PRSS23: variants seen among roughly 807,000 people sequenced by gnomAD.
PRSS23 encodes the protein serine protease 23.
In PRSS23, 25 loss-of-function variants were observed where a neutral mutation model predicts 34.7. That is an observed-to-expected ratio of 0.72 (90% CI 0.53 to 1.01). PRSS23 has a LOEUF of 1.01. PRSS23 is among the 50% of genes least tolerant of loss of function. PRSS23 has a pLI of 0.00. For synonymous variants in PRSS23, 176 were observed against 186.6 expected (o/e 0.94, Z 0.46); for missense variants, 445 against 475.6 (o/e 0.94, Z 0.60).
intron 2 of PRSS23, among the ~76,000 whole-genome samples, chr11:86,838,249 C>T (rs1948421853): frequency 6.6e-6 from 1 of 152,156 alleles, no homozygotes; most frequent in African/African-American, 2.4e-5. Flanking sequence ...AGAAACGGTA[C>T]ACTCTTGACC....
chr11:86,801,504 G>C (rs1458212763), intron 1 of PRSS23, among the ~76,000 whole-genome samples: 1 of 152,176 alleles, frequency 6.6e-6, no homozygotes, highest in Non-Finnish European at 1.5e-5. Flanking sequence ...TTGGAATAGG[G>C]CTTGCTTCTC....
chr11:86,912,540 CTG>C (rs1469655411), intron 2 of PRSS23, among the ~76,000 whole-genome samples: 3 of 152,140 alleles, frequency 2.0e-5, no homozygotes, highest in African/African-American at 7.2e-5. Context: ...ACCCTTTCTT[CTG>C]TCATCTACAA....
At chr11:86,927,643 G>A (rs188323805) in intron 2 of PRSS23, among the ~76,000 whole-genome samples, 2 of 152,062 alleles carry the variant, frequency 1.3e-5, no homozygotes, top group African/African-American at 4.8e-5. Context: ...CACTGTGCCC[G>A]GCCTTACCTT....
chr11:86,873,006 C>T (rs1426027179), intron 2 of PRSS23, among the ~76,000 whole-genome samples: 1 of 152,006 alleles, frequency 6.6e-6, no homozygotes, highest in Non-Finnish European at 1.5e-5. Flanking sequence ...ACTCAATCAA[C>T]TATTAATTAA....
In PRSS23 at chr11:86,808,254, G is replaced by T; in HGVS notation, c.611G>T (p.Arg204Leu). 1.9e-6 allele frequency: 3 copies of T among 1,614,102 alleles called. No homozygotes were observed. The highest frequency in any genetic ancestry group is 2.5e-6 in the Non-Finnish European group (3 of 1,180,042). Residue 204 changes from arginine (R) to leucine (L), a missense_variant, in exon 2 of 2, where the codon CGA (arginine) becomes CTA (leucine). Physicochemically the swap from Arg to Leu is moderately radical, Grantham distance 102. Coordinates refer to ENST00000280258, the MANE Select transcript of PRSS23 (RefSeq NM_007173.6). Reference protein sequence around the residue: ...FLKPKFKDGGRGANDSTSAMP... With the variant: ...FLKPKFKDGGLGANDSTSAMP... ...AAGCCCAAGTTTAAAGATGGTGGTC[G>T]AGGGGCCAACGACTCCACTTCAGCC...
chr11:86,935,300 G>T (rs568541587), intron 2 of PRSS23: 38 of 152,352 alleles, frequency 2.5e-4, no homozygotes, highest in African/African-American at 9.1e-4. Context: ...CTTTGTGCAA[G>T]AAGCTGGAAA....
chr11:86,940,461 C>T (rs1481104551), intron 2 of PRSS23, among the ~76,000 whole-genome samples: 1 of 152,160 alleles, frequency 6.6e-6, no homozygotes. Context: ...CTGCTACCAC[C>T]TTCATTCAGG....
At chr11:86,879,645 C>G (rs1319673127) in intron 2 of PRSS23, among the ~76,000 whole-genome samples, 1 of 129,968 alleles carries the variant, frequency 7.7e-6, no homozygotes, top group African/African-American at 2.7e-5. Flanking sequence ...CCCCTCTGCC[C>G]GGCCAGCCGC....
intron 2 of PRSS23, chr11:86,832,521 G>T (rs1462403120): frequency 1.1e-5 from 3 of 282,916 alleles, no homozygotes; most frequent in Non-Finnish European, 2.1e-5. Flanking sequence ...ATAAAATAAT[G>T]AGATTAAACT....
chr11:86,810,514 A>G lies in PRSS23; in HGVS notation c.*1719A>G, dbSNP rs1432184119. The G allele has an allele frequency of 6.0e-6, 1 of 167,106 alleles. No homozygotes were observed. Among genetic ancestry groups the G allele is most frequent in the Non-Finnish European group, 1.5e-5 (1 of 68,112 alleles). 10.4% of individuals were successfully genotyped at this position (167,106 alleles called of 1,614,324 possible). ...GAGTTCCAGCACAATTTTCTTTGGA[A>G]TCTAACAGGAATCTAGCCTGAGGAA... is the stretch of plus-strand genomic sequence containing the variant. On this transcript the variant is annotated 3_prime_UTR_variant, in exon 2 of 2. Coordinates refer to ENST00000280258, the MANE Select transcript of PRSS23 (RefSeq NM_007173.6).
Position 86,826,821 on chromosome 11 carries a change from C to G in PRSS23, c.206+3228C>G, listed in dbSNP as rs1433615735. ...TATTGATTTGCGTATACTGAACGAG[C>G]CTTGCATCCCAGGGATGAAGCCCAC... On this transcript the variant is annotated intron_variant, in intron 2 of 2. Coordinates refer to the PRSS23 transcript ENST00000533902. 5.3e-5 allele frequency among the ~76,000 whole-genome samples: 8 copies of G among 152,136 alleles called. No individual in the cohort carries two copies. The East Asian group carries it at 5.8e-4, about 11-fold the overall frequency.
intron 2 of PRSS23, among the ~76,000 whole-genome samples, chr11:86,852,490 T>C (rs1025579787): frequency 2.6e-5 from 4 of 152,186 alleles, no homozygotes; most frequent in African/African-American, 9.6e-5. Flanking sequence ...GCTTCTTTCT[T>C]TTCTTCTTAA....
At chr11:86,815,693 T>C (rs1363713581), downstream of PRSS23, among the ~76,000 whole-genome samples, 5 of 152,240 alleles carry the variant, frequency 3.3e-5, no homozygotes, top group African/African-American at 7.2e-5. Flanking sequence ...TCTTCCCTTA[T>C]CTATCCCATG....
At chr11:86,828,884 C>G (rs1438009363) in intron 2 of PRSS23, among the ~76,000 whole-genome samples, 1 of 152,180 alleles carries the variant, frequency 6.6e-6, no homozygotes, top group African/African-American at 2.4e-5. Flanking sequence ...TGATGGGCTT[C>G]CGTTTGTGGG....
At chr11:86,854,690 C>G (rs973061499) in intron 2 of PRSS23, among the ~76,000 whole-genome samples, 18 of 152,148 alleles carry the variant, frequency 1.2e-4, no homozygotes, top group Non-Finnish European at 2.2e-4. Context: ...ATTTTTGTAC[C>G]TGGTGTGACA....
intron 1 of PRSS23, among the ~76,000 whole-genome samples, chr11:86,791,998 A>G (rs1202334430): frequency 6.6e-6 from 1 of 152,214 alleles, no homozygotes; most frequent in Admixed American, 6.5e-5. Flanking sequence ...TGAAATCCCT[A>G]TAATCTCCTT....
In PRSS23 at chr11:86,913,288, A is replaced by AAAAAC. The variant is rs1555081375; in HGVS notation, c.207-37925_207-37924insACAAA. Among the ~76,000 whole-genome samples, 162 of 144,910 alleles carry AAAAAC rather than the reference A, an allele frequency of 1.1e-3. 4 individuals carry two copies. The highest frequency in any genetic ancestry group is 3.7e-3 in the African/African-American group (143 of 39,060). On this transcript the variant is annotated intron_variant, in intron 2 of 2. Transcript: ENST00000533902. ...CTGCCCTCAGGCAAAAAAAAAAAAA[A>AAAAAC]AAACCTATTAAAAATGCATATTTCA... is the stretch of plus-strand genomic sequence containing the variant.
rs562304313 is a variant in PRSS23 at position 86,874,278 on chromosome 11, G to T, written c.206+50685G>T. 1.5e-3 allele frequency among the ~76,000 whole-genome samples: 229 copies of T among 152,318 alleles called. 4 individuals carry two copies. Among genetic ancestry groups the T allele is most frequent in the Non-Finnish European group, 5.9e-5 (4 of 68,030 alleles). On this transcript the variant is annotated intron_variant, in intron 2 of 2. Coordinates refer to the PRSS23 transcript ENST00000533902. ...AGAATCTTGCCACATTCACTCACCG[G>T]CTGGGAGCAACTTGTGTAGGGTTGC...
chr11:86,919,009 A>C (rs1215757286), intron 2 of PRSS23, among the ~76,000 whole-genome samples: 1 of 152,126 alleles, frequency 6.6e-6, no homozygotes, highest in Non-Finnish European at 1.5e-5. Context: ...TGGTGGAGTA[A>C]AGTTAGTTGG....
Sources: gnomAD v4.1 joint callset for allele counts (sites outside exome capture counted in the v4.1 genomes callset) on GRCh38, gnomAD v4.1.1 for gene constraint, MANE v1.5 for transcripts, NCBI Gene and HGNC (gene_info 2026-07-23, HGNC 2026-07-21) for gene names.